The following NXPE2 variants were observed in gnomAD, a reference collection of about 807,000 sequenced individuals.
NXPE2 encodes the protein NXPE family member 2.
NXPE2 carries 34 observed loss-of-function variants against 34.4 expected under a neutral mutation model. That is an observed-to-expected ratio of 0.99 (90% CI 0.75 to 1.31). NXPE2 has a LOEUF of 1.31. Among genes scored for constraint, NXPE2 ranks in the 40% most tolerant of loss-of-function variants. NXPE2 has a pLI of 0.00. For synonymous variants in NXPE2, 235 were observed against 231.3 expected (o/e 1.02, Z -0.15); for missense variants, 649 against 672.5 (o/e 0.97, Z 0.39).
At chr11:114,672,846 T>A in the NXPE2 span, among the ~76,000 whole-genome samples, 978 of 151,586 alleles carry the variant, frequency 6.5e-3, 8 homozygotes, top group Non-Finnish European at 8.5e-3. Flanking sequence ...AAATAGACAA[T>A]TCAACAATAA....
the NXPE2 span, chr11:114,523,070 G>A: frequency 7.4e-6 from 12 of 1,613,044 alleles, no homozygotes; most frequent in South Asian, 1.1e-5. Flanking sequence ...AACTTGGCAT[G>A]TCTCTTCTAT....
At chr11:114,632,428 A>G in the NXPE2 span, among the ~76,000 whole-genome samples, 4 of 131,712 alleles carry the variant, frequency 3.0e-5, no homozygotes, top group African/African-American at 5.5e-5. Context: ...TAATATAAAT[A>G]TAAATATATA....
the NXPE2 span, among the ~76,000 whole-genome samples, chr11:114,535,820 C>G: frequency 6.6e-6 from 1 of 152,112 alleles, no homozygotes; most frequent in Non-Finnish European, 1.5e-5. Context: ...TAGACTCCGA[C>G]ACAATAATAA....
At chr11:114,607,306 C>T in the NXPE2 span, among the ~76,000 whole-genome samples, 3 of 151,866 alleles carry the variant, frequency 2.0e-5, no homozygotes, top group African/African-American at 7.2e-5. Flanking sequence ...AGTATTGCCT[C>T]GTGGGTCACC....
chr11:114,745,271 T>C, the NXPE2 span, among the ~76,000 whole-genome samples: 1 of 152,102 alleles, frequency 6.6e-6, no homozygotes, highest in Non-Finnish European at 1.5e-5. Context: ...CAGCGTCTAT[T>C]TTGGGGGAGG....
chr11:114,775,481 C>A, the NXPE2 span, among the ~76,000 whole-genome samples: 4,513 of 152,280 alleles, frequency 0.03, 233 homozygotes, highest in African/African-American at 0.1. Context: ...CTCCAAAGGG[C>A]TCCTGACCAC....
chr11:114,663,715 T>TATC, the NXPE2 span, among the ~76,000 whole-genome samples: 1 of 146,798 alleles, frequency 6.8e-6, no homozygotes. Flanking sequence ...TCTATCTATC[T>TATC]GATCTACCTA....
At chr11:114,601,731 T>TA in the NXPE2 span, among the ~76,000 whole-genome samples, 3 of 72,004 alleles carry the variant, frequency 4.2e-5, no homozygotes, top group Non-Finnish European at 7.0e-5. Context: ...TAATTATATA[T>TA]TATATATAAT....
the NXPE2 span, among the ~76,000 whole-genome samples, chr11:114,724,842 GGCTTTTTTTTTTTTTTAA>G: frequency 7.8e-6 from 1 of 128,436 alleles, no homozygotes; most frequent in African/African-American, 3.2e-5. Context: ...TGGCTTCCAT[GGCTTTTTTTTTTTTTTAA>G]CCCTCCACGT....
the NXPE2 span, among the ~76,000 whole-genome samples, chr11:114,750,132 G>A: frequency 1.3e-5 from 2 of 152,118 alleles, no homozygotes; most frequent in East Asian, 1.9e-4. Flanking sequence ...CTCCACCTCC[G>A]CATCAGGTAC....
the NXPE2 span, among the ~76,000 whole-genome samples, chr11:114,527,460 T>C: frequency 2.0e-5 from 3 of 152,160 alleles, no homozygotes; most frequent in Non-Finnish European, 2.9e-5. Flanking sequence ...ATAAAATTGG[T>C]AATTGCATCA....
the NXPE2 span, among the ~76,000 whole-genome samples, chr11:114,612,802 C>T: frequency 6.6e-6 from 1 of 151,920 alleles, no homozygotes; most frequent in African/African-American, 2.4e-5. Flanking sequence ...ATAAGTGTTG[C>T]CTCGTGGGAA....
At chr11:114,770,956 T>G in the NXPE2 span, among the ~76,000 whole-genome samples, 1 of 152,200 alleles carries the variant, frequency 6.6e-6, no homozygotes, top group South Asian at 2.1e-4. Flanking sequence ...CCATGATACC[T>G]CTCAGGGTAA....
At chr11:114,807,950 A>T in the NXPE2 span, among the ~76,000 whole-genome samples, 2 of 152,154 alleles carry the variant, frequency 1.3e-5, no homozygotes, top group South Asian at 2.1e-4. Context: ...GAAGTAAAGC[A>T]CTCCTCAGCA....
the NXPE2 span, among the ~76,000 whole-genome samples, chr11:114,500,818 A>G: frequency 1.3e-5 from 2 of 152,144 alleles, no homozygotes; most frequent in Non-Finnish European, 2.9e-5. Context: ...GTCAGGGTTC[A>G]TTATTTTTTC....
the NXPE2 span, among the ~76,000 whole-genome samples, chr11:114,673,079 ATATAT>A: frequency 6.7e-6 from 1 of 148,280 alleles, no homozygotes; most frequent in South Asian, 2.1e-4. Flanking sequence ...TATATATTAT[ATATAT>A]AACATATATA....
chr11:114,596,135 T>A, the NXPE2 span, among the ~76,000 whole-genome samples: 2 of 152,266 alleles, frequency 1.3e-5, no homozygotes, highest in African/African-American at 4.8e-5. Context: ...GTTGGCAGGA[T>A]TCAAGTGCGT....
At chr11:114,595,669 C>T in the NXPE2 span, 1 of 152,272 alleles carries the variant, frequency 6.6e-6, no homozygotes, top group African/African-American at 2.4e-5. Flanking sequence ...CTGAAGCCAC[C>T]AGTGTGCTAC....
the NXPE2 span, among the ~76,000 whole-genome samples, chr11:114,744,561 C>A: frequency 4.6e-5 from 7 of 152,102 alleles, no homozygotes; most frequent in Non-Finnish European, 7.3e-5. Flanking sequence ...TTCATTCCAG[C>A]ACTTTGGGAG....
Sources: gnomAD v4.1 joint callset for allele counts (sites outside exome capture counted in the v4.1 genomes callset) on GRCh38, gnomAD v4.1.1 for gene constraint, MANE v1.5 for transcripts, NCBI Gene and HGNC (gene_info 2026-07-23, HGNC 2026-07-21) for gene names.